NSMCE2: variants seen among roughly 807,000 people sequenced by gnomAD.
The protein encoded by NSMCE2 is E3 SUMO-protein ligase NSE2.
In NSMCE2, 24 loss-of-function variants were observed where a neutral mutation model predicts 23.8. The ratio of observed to expected loss-of-function variants is 1.01; its 90% CI spans 0.73 to 1.42. The LOEUF is 1.42. NSMCE2 is among the 40% of genes most tolerant of loss of function. NSMCE2 has a pLI of 0.00. For synonymous variants in NSMCE2, 92 were observed against 94.1 expected (o/e 0.98, Z 0.13); for missense variants, 284 against 296.5 (o/e 0.96, Z 0.31).
In NSMCE2 at chr8:125,249,648, C is replaced by G. The variant is rs182202662; in HGVS notation, c.418+67392C>G. On this transcript the variant is annotated intron_variant, in intron 5 of 7. Coordinates refer to ENST00000287437, the MANE Select transcript of NSMCE2 (RefSeq NM_173685.4). ...ATAAAAGGAAAGCAGTGCAATCAGC[C>G]TGGCCCACTTTGAGTTCTCTTTCCC... Among the ~76,000 whole-genome samples, 417 of 152,314 alleles carry G rather than the reference C, an allele frequency of 2.7e-3. 4 individuals are homozygous for G. The highest frequency in any genetic ancestry group is 3.9e-3 in the Admixed American group (60 of 15,298).
intron 3 of NSMCE2, chr8:125,130,421 C>G (rs984161909): frequency 3.3e-5 from 10 of 305,400 alleles, no homozygotes; most frequent in Non-Finnish European, 6.7e-5. Context: ...TGTATCCACA[C>G]TCAAGGGGAC....
intron 5 of NSMCE2, among the ~76,000 whole-genome samples, chr8:125,328,647 ACAAATTCT>A (rs1829764386): frequency 6.6e-6 from 1 of 152,238 alleles, no homozygotes; most frequent in Non-Finnish European, 1.5e-5. Context: ...AGGCTGGTGC[ACAAATTCT>A]CAATGTGTAG....
At chr8:125,169,533 G>A (rs372201336) in intron 4 of NSMCE2, among the ~76,000 whole-genome samples, 4 of 151,872 alleles carry the variant, frequency 2.6e-5, no homozygotes, top group Non-Finnish European at 4.4e-5. Flanking sequence ...ATCTGTTGTC[G>A]TCCTTACTTC....
At chr8:125,182,375 T>G in intron 5 of NSMCE2, 119 bp downstream of exon 5, 1 of 813,408 alleles carries the variant, frequency 1.2e-6, no homozygotes, top group Non-Finnish European at 2.1e-6. Context: ...ATCCTCATTC[T>G]AAGTTGCGTT....
chr8:125,285,057 G>T (rs960153406), intron 5 of NSMCE2, among the ~76,000 whole-genome samples: 2 of 152,136 alleles, frequency 1.3e-5, no homozygotes, highest in Non-Finnish European at 2.9e-5. Flanking sequence ...TGAATTAGAG[G>T]CAAATGTACT....
At chr8:125,225,251 C>G (rs1184893046) in intron 5 of NSMCE2, among the ~76,000 whole-genome samples, 1 of 152,134 alleles carries the variant, frequency 6.6e-6, no homozygotes, top group Non-Finnish European at 1.5e-5. Flanking sequence ...TGGGGCCATG[C>G]CAAGAAACAA....
intron 5 of NSMCE2, among the ~76,000 whole-genome samples, chr8:125,328,181 G>GTTTTTTT: frequency 6.9e-6 from 1 of 144,156 alleles, no homozygotes; most frequent in African/African-American, 2.6e-5. Context: ...AGATTCTTAA[G>GTTTTTTT]TTATGACATT....
chr8:125,304,497 C>CG (rs1828678795), intron 5 of NSMCE2, among the ~76,000 whole-genome samples: 1 of 152,084 alleles, frequency 6.6e-6, no homozygotes, highest in South Asian at 2.1e-4. Flanking sequence ...ATGGTTTAGA[C>CG]AAAGATGAGG....
chr8:125,182,424 G>A, intron 5 of NSMCE2, 168 bp downstream of exon 5: 1 of 658,092 alleles, frequency 1.5e-6, no homozygotes. Flanking sequence ...CTAATTTTTG[G>A]TTCAAATCAG....
At chr8:125,130,115 A>T in intron 3 of NSMCE2, 2 of 342,544 alleles carry the variant, frequency 5.8e-6, no homozygotes, top group Admixed American at 3.5e-5. Context: ...TTTTCTTGTA[A>T]TCCTGACAGT....
At chr8:125,168,017 C>T (rs987023889) in intron 4 of NSMCE2, among the ~76,000 whole-genome samples, 4 of 152,082 alleles carry the variant, frequency 2.6e-5, no homozygotes, top group South Asian at 2.1e-4. Flanking sequence ...TCATACAGTT[C>T]GGGTATTTCA....
chr8:125,301,004 A>G (rs1452412019), intron 5 of NSMCE2, among the ~76,000 whole-genome samples: 2 of 152,132 alleles, frequency 1.3e-5, no homozygotes, highest in African/African-American at 2.4e-5. Flanking sequence ...TCCTATCATT[A>G]TTTGACTGCT....
At chr8:125,285,737 A>C (rs895457753) in intron 5 of NSMCE2, among the ~76,000 whole-genome samples, 4 of 140,040 alleles carry the variant, frequency 2.9e-5, no homozygotes, top group African/African-American at 1.1e-4. Context: ...ACAGTATGCT[A>C]AGAATTCTTC....
chr8:125,103,242 G>T (rs1390564000), intron 3 of NSMCE2, among the ~76,000 whole-genome samples: 1 of 151,934 alleles, frequency 6.6e-6, no homozygotes, highest in African/African-American at 2.4e-5. Context: ...GGAGGTGGAG[G>T]TTGCAGTGAG....
chr8:125,155,755 A>G (rs970315653), intron 4 of NSMCE2, among the ~76,000 whole-genome samples: 2 of 152,210 alleles, frequency 1.3e-5, no homozygotes, highest in African/African-American at 2.4e-5. Context: ...TGCTCAGGGT[A>G]GGTTTGGAGA....
chr8:125,341,869 T>C (rs1466034402), intron 5 of NSMCE2, among the ~76,000 whole-genome samples: 1 of 124,092 alleles, frequency 8.1e-6, no homozygotes, highest in Non-Finnish European at 1.6e-5. Flanking sequence ...CGAGAGTCCA[T>C]GTGCAATGCA....
At chr8:125,230,797 G>C (rs1380324438) in intron 5 of NSMCE2, among the ~76,000 whole-genome samples, 2 of 152,164 alleles carry the variant, frequency 1.3e-5, no homozygotes, top group Non-Finnish European at 2.9e-5. Context: ...TCCTAATGGA[G>C]GAAATGGCAA....
intron 5 of NSMCE2, among the ~76,000 whole-genome samples, chr8:125,277,871 G>A (rs1398848912): frequency 5.3e-5 from 8 of 152,156 alleles, no homozygotes; most frequent in Non-Finnish European, 1.2e-4. Context: ...ATAGAAAACT[G>A]TAAATTAAAT....
At chr8:125,113,548 T>C (rs1282447043) in intron 3 of NSMCE2, among the ~76,000 whole-genome samples, 1 of 152,184 alleles carries the variant, frequency 6.6e-6, no homozygotes, top group Non-Finnish European at 1.5e-5. Flanking sequence ...AATACATTTC[T>C]GGGGGAGGAG....
Sources: gnomAD v4.1 joint callset for allele counts (sites outside exome capture counted in the v4.1 genomes callset) on GRCh38, gnomAD v4.1.1 for gene constraint, MANE v1.5 for transcripts, NCBI Gene and HGNC (gene_info 2026-07-23, HGNC 2026-07-21) for gene names.